SCAF11: variants seen among roughly 807,000 people sequenced by gnomAD.
SCAF11 encodes the protein SR-related CTD associated factor 11.
Under a neutral mutation model 140.5 loss-of-function variants are expected in SCAF11, and 47 were observed. That is an observed-to-expected ratio of 0.33 (90% CI 0.26 to 0.43). SCAF11 has a LOEUF of 0.43. SCAF11 is among the 20% of genes least tolerant of loss of function. SCAF11 has a pLI of 1.00. For synonymous variants in SCAF11, 557 were observed against 579.4 expected (o/e 0.96, Z 0.55); for missense variants, 1,645 against 1,705.1 (o/e 0.96, Z 0.62).
At chr12:45,987,089 G>T (rs1191542501) in intron 1 of SCAF11, among the ~76,000 whole-genome samples, 4 of 152,308 alleles carry the variant, frequency 2.6e-5, no homozygotes. Flanking sequence ...GGCTGGGTGT[G>T]GTGGTTCATT....
intron 6 of SCAF11, among the ~76,000 whole-genome samples, chr12:45,940,805 T>C (rs973261509): frequency 9.2e-5 from 14 of 152,196 alleles, no homozygotes; most frequent in Admixed American, 3.3e-4. Context: ...TCTTATTTCC[T>C]TTTATTTATT....
At chr12:45,937,650 T>C (rs933639604) in intron 6 of SCAF11, among the ~76,000 whole-genome samples, 5 of 152,210 alleles carry the variant, frequency 3.3e-5, no homozygotes, top group African/African-American at 1.2e-4. Flanking sequence ...GTCTTTTCTT[T>C]TGGGCAAGTC....
At chr12:45,961,236 T>C in intron 3 of SCAF11, 3 of 686,660 alleles carry the variant, frequency 4.4e-6, no homozygotes, top group Non-Finnish European at 5.4e-6. Flanking sequence ...TCCTCATCTG[T>C]AAAATGGAAG....
At chr12:45,956,859 C>G (rs1049433217) in intron 3 of SCAF11, among the ~76,000 whole-genome samples, 2 of 152,148 alleles carry the variant, frequency 1.3e-5, no homozygotes, top group African/African-American at 4.8e-5. Context: ...AAACAGAGTA[C>G]TTAAATTCTT....
Position 45,921,771 on chromosome 12 carries a change from A to C in SCAF11, c.*277T>G, listed in dbSNP as rs1010283963. 36 of 281,310 alleles carry C rather than the reference A, an allele frequency of 1.3e-4. No homozygotes were observed. The highest frequency in any genetic ancestry group is 7.9e-4 in the African/African-American group (36 of 45,452). 17.4% of individuals were successfully genotyped at this position (281,310 alleles called of 1,614,324 possible). A position where few individuals can be genotyped will look rare whatever the true frequency, so the allele number is the denominator to read the frequency against. On this transcript the variant is annotated 3_prime_UTR_variant, in exon 15 of 15. Coordinates refer to ENST00000369367, the MANE Select transcript of SCAF11 (RefSeq NM_004719.3). Reference sequence around the variant, plus strand: ...ATCAAAAAGCTATACATTTTCCAGTATCCACACTATAACACAGTCCTAGTA... The same window carrying C: ...ATCAAAAAGCTATACATTTTCCAGTCTCCACACTATAACACAGTCCTAGTA...
chr12:45,931,362 T>C, intron 10 of SCAF11, 144 bp downstream of exon 10: 1 of 438,750 alleles, frequency 2.3e-6, no homozygotes. Context: ...AGTTAAGTCA[T>C]TGTCCAAATA....
At chr12:45,932,898 A>C (rs1418656030) in intron 9 of SCAF11, among the ~76,000 whole-genome samples, 2 of 152,172 alleles carry the variant, frequency 1.3e-5, no homozygotes, top group Non-Finnish European at 2.9e-5. Context: ...TTTTAAATAA[A>C]TCTAGCATAT....
At chr12:45,966,523 A>T (rs1383412180) in intron 1 of SCAF11, among the ~76,000 whole-genome samples, 2 of 151,898 alleles carry the variant, frequency 1.3e-5, no homozygotes, top group Non-Finnish European at 2.9e-5. Flanking sequence ...AATTAAAAAC[A>T]GTGTGGCTAT....
chr12:45,972,576 CCTGT>C (rs1946098530), intron 1 of SCAF11, among the ~76,000 whole-genome samples: 1 of 141,694 alleles, frequency 7.1e-6, no homozygotes, highest in Non-Finnish European at 1.5e-5. Context: ...ACAGCAAAAC[CCTGT>C]CTCTTAAAAA....
At chr12:45,960,147 C>T (rs1406756245) in intron 3 of SCAF11, among the ~76,000 whole-genome samples, 1 of 152,082 alleles carries the variant, frequency 6.6e-6, no homozygotes, top group Non-Finnish European at 1.5e-5. Flanking sequence ...CGTAATTCCA[C>T]CTCTAGATAC....
intron 6 of SCAF11, among the ~76,000 whole-genome samples, chr12:45,943,445 T>A (rs2136554253): frequency 6.6e-6 from 1 of 152,344 alleles, no homozygotes; most frequent in Non-Finnish European, 1.5e-5. Flanking sequence ...CACGCTCACC[T>A]AACTTTTATT....
chr12:45,930,591 G>A (rs1167599794), intron 10 of SCAF11, among the ~76,000 whole-genome samples: 4 of 151,408 alleles, frequency 2.6e-5, no homozygotes, highest in South Asian at 2.1e-4. Context: ...AACAGGTGGC[G>A]GCCACAAAAA....
intron 1 of SCAF11, among the ~76,000 whole-genome samples, chr12:45,977,769 G>C (rs1331504507): frequency 6.6e-6 from 1 of 152,030 alleles, no homozygotes; most frequent in Non-Finnish European, 1.5e-5. Flanking sequence ...AGCTTGGGAG[G>C]GGGTGTTTGA....
chr12:45,970,905 A>ATT (rs1946057182), intron 1 of SCAF11, among the ~76,000 whole-genome samples: 1 of 152,250 alleles, frequency 6.6e-6, no homozygotes, highest in Admixed American at 6.5e-5. Context: ...GAGTGCCAAA[A>ATT]TAATCCATAA....
At chr12:45,954,522 C>A (rs947034631) in intron 3 of SCAF11, among the ~76,000 whole-genome samples, 14 of 151,344 alleles carry the variant, frequency 9.3e-5, no homozygotes, top group Non-Finnish European at 1.8e-4. Flanking sequence ...CTGTACCCAG[C>A]CTTCCTTTAC....
intron 1 of SCAF11, among the ~76,000 whole-genome samples, chr12:45,981,100 G>A (rs1316165116): frequency 6.6e-6 from 1 of 152,200 alleles, no homozygotes; most frequent in African/African-American, 2.4e-5. Flanking sequence ...TGCTGTTAGA[G>A]ATTGAGTGAT....
intron 6 of SCAF11, among the ~76,000 whole-genome samples, chr12:45,938,160 T>C (rs1368361986): frequency 6.6e-6 from 1 of 152,178 alleles, no homozygotes; most frequent in Non-Finnish European, 1.5e-5. Context: ...TCTCTCCAGC[T>C]TTCTTGTCTT....
intron 3 of SCAF11, among the ~76,000 whole-genome samples, chr12:45,952,802 A>G (rs2136581807): frequency 6.6e-6 from 1 of 152,350 alleles, no homozygotes; most frequent in Admixed American, 6.5e-5. Flanking sequence ...ACAAAAATAA[A>G]ACGGAATTTT....
rs1417554427 is a variant in SCAF11 at position 45,921,866 on chromosome 12, G to T, written c.*182C>A. 2 of 623,774 alleles carry T rather than the reference G, an allele frequency of 3.2e-6. No homozygotes were observed. The highest frequency in any genetic ancestry group is 5.3e-6 in the Non-Finnish European group (2 of 376,486). The allele number at this position is 623,774 out of a possible 1,614,324, so 38.6% of individuals were successfully genotyped here. A position where few individuals can be genotyped will look rare whatever the true frequency, so the allele number is the denominator to read the frequency against. Reference sequence around the variant, plus strand: ...TGGGGGAGGGTGGAGGGGAAGGAAGGATACAGAAGTTGCAGTGCAGACCTA... The same window carrying T: ...TGGGGGAGGGTGGAGGGGAAGGAAGTATACAGAAGTTGCAGTGCAGACCTA... On this transcript the variant is annotated 3_prime_UTR_variant, in exon 15 of 15. Transcript: ENST00000369367.
Sources: allele counts gnomAD v4.1 joint callset (sites outside exome capture counted in the v4.1 genomes callset), GRCh38; gene constraint gnomAD v4.1.1; transcripts MANE v1.5; gene names NCBI Gene and HGNC (gene_info 2026-07-23, HGNC 2026-07-21).